BRWD1: variants seen among roughly 807,000 people sequenced by gnomAD.
BRWD1 encodes bromodomain and WD repeat-containing protein 1.
BRWD1 carries 82 observed loss-of-function variants against 251.2 expected under a neutral mutation model. The observed-to-expected ratio is 0.33, with a 90% confidence interval of 0.27 to 0.39. The LOEUF is 0.39. BRWD1 is among the 10% of genes least tolerant of loss of function. BRWD1 has a pLI of 1.00. For missense variants in BRWD1, 2,233 were observed against 2,711.6 expected (o/e 0.82, Z 3.92); for synonymous variants, 918 against 902.8 (o/e 1.02, Z -0.30).
chr21:39,266,938 G>C (rs149969980), intron 15 of BRWD1, among the ~76,000 whole-genome samples: 1 of 152,072 alleles, frequency 6.6e-6, no homozygotes, highest in Admixed American at 6.6e-5. Flanking sequence ...GAGTTTTTCC[G>C]CTTATATTCT....
chr21:39,269,251 ATTTT>A (rs1328933573), intron 15 of BRWD1, among the ~76,000 whole-genome samples: 1 of 148,362 alleles, frequency 6.7e-6, no homozygotes, highest in Non-Finnish European at 1.5e-5. Context: ...AAAAAAAAAA[ATTTT>A]TTTTTTTTAA....
At chr21:39,241,003 C>T (rs574538873) in intron 21 of BRWD1, among the ~76,000 whole-genome samples, 3 of 151,512 alleles carry the variant, frequency 2.0e-5, no homozygotes, top group East Asian at 2.0e-4. Flanking sequence ...TGGGTTCAAA[C>T]GATTCTCCTG....
chr21:39,207,943 A>AT (rs950405270), intron 36 of BRWD1, among the ~76,000 whole-genome samples: 22 of 152,170 alleles, frequency 1.4e-4, no homozygotes, highest in African/African-American at 5.1e-4. Context: ...ATATGAAATT[A>AT]TCTAGGACAG....
chr21:39,320,238 T>C (rs2036734547), intron 1 of BRWD1, among the ~76,000 whole-genome samples: 1 of 152,216 alleles, frequency 6.6e-6, no homozygotes, highest in Non-Finnish European at 1.5e-5. Context: ...TGATAGTAAC[T>C]GCTATTTGTG....
At chr21:39,184,521 G>T (rs1183468692), downstream of BRWD1, 1 of 152,132 alleles carries the variant, frequency 6.6e-6, no homozygotes, top group Non-Finnish European at 1.5e-5. Flanking sequence ...ACATGACATC[G>T]CCTGCATTTT....
rs142708497 is a variant in BRWD1 at position 39,218,265 on chromosome 21, T to C, written c.3546A>G (p.Ala1182=). The part of the protein sequence containing the change: ...GIDQLLNLDI[A]AAFAGPVDLC... ...AATCAACAGGGCCTGCAAAAGCTGCTGCTATATCTGTTAGGGAAGACAGGA... is the reference window on the plus strand; with the variant it reads ...AATCAACAGGGCCTGCAAAAGCTGCCGCTATATCTGTTAGGGAAGACAGGA... Residue 1182 remains alanine, a synonymous_variant, in exon 31 of 41, where the codon GCA becomes GCG. Coordinates refer to ENST00000342449, the MANE Select transcript of BRWD1 (RefSeq NM_033656.4). 3.0e-5 allele frequency: 48 copies of C among 1,606,202 alleles called. No homozygotes were observed. In the African/African-American group the frequency reaches 5.1e-4, roughly 17 times the overall value.
At chr21:39,287,876 A>C (rs1426356258) in intron 8 of BRWD1, among the ~76,000 whole-genome samples, 3 of 152,222 alleles carry the variant, frequency 2.0e-5, no homozygotes, top group Non-Finnish European at 4.4e-5. Flanking sequence ...CCCCTTCAGC[A>C]CAACTTCAGA....
chr21:39,213,341 CA>C, intron 33 of BRWD1, 139 bp downstream of exon 33: 1 of 728,040 alleles, frequency 1.4e-6, no homozygotes. Context: ...CTAGAAAATT[CA>C]AAAATATAAT....
chr21:39,309,553 G>A lies in BRWD1; in HGVS notation c.198+3288C>T, dbSNP rs563425595. ...AAAGACACCCAGGGAGGCCGGGCGC[G>A]GTGGCTCACGCCTGTAATCCCAGCA... is the stretch of plus-strand genomic sequence containing the variant. On this transcript the variant is annotated intron_variant, in intron 4 of 40. Transcript: ENST00000342449. Among the ~76,000 whole-genome samples the A allele has an allele frequency of 2.8e-3, 416 of 150,784 alleles. 2 individuals are homozygous for A. Among genetic ancestry groups the A allele is most frequent in the Middle Eastern group, 0.018 (5 of 278 alleles).
At chr21:39,202,042 TA>T (rs1218149758) in intron 38 of BRWD1, among the ~76,000 whole-genome samples, 1 of 152,016 alleles carries the variant, frequency 6.6e-6, no homozygotes, top group African/African-American at 2.4e-5. Flanking sequence ...TCTTAATTTT[TA>T]AATTAAAAAG....
intron 8 of BRWD1, among the ~76,000 whole-genome samples, chr21:39,288,744 G>GT (rs2035719205): frequency 6.6e-6 from 1 of 152,030 alleles, no homozygotes; most frequent in Non-Finnish European, 1.5e-5. Context: ...CAAGAAAATC[G>GT]TAAGGAAGAG....
intron 19 of BRWD1, among the ~76,000 whole-genome samples, chr21:39,253,166 G>A (rs766457298): frequency 4.6e-5 from 7 of 151,530 alleles, no homozygotes; most frequent in Non-Finnish European, 7.4e-5. Context: ...ACCCATGACT[G>A]TAATCCCAGC....
chr21:39,200,468 A>C, intron 38 of BRWD1, 82 bp from the exon 39 acceptor site: 1 of 1,025,464 alleles, frequency 9.8e-7, no homozygotes, highest in South Asian at 2.1e-5. Context: ...CATTACTCTG[A>C]ACATTACATA....
chr21:39,242,050 T>C (rs1235387266), intron 21 of BRWD1, among the ~76,000 whole-genome samples: 1 of 152,208 alleles, frequency 6.6e-6, no homozygotes, highest in Admixed American at 6.5e-5. Flanking sequence ...AGCTTCTAAG[T>C]ATTCAAAAAT....
At chr21:39,205,999 G>T in intron 37 of BRWD1, 109 bp downstream of exon 37, 1 of 1,103,660 alleles carries the variant, frequency 9.1e-7, no homozygotes, top group Non-Finnish European at 1.3e-6. Context: ...AAAATCACTT[G>T]AACCCGGGAG....
chr21:39,211,959 G>A (rs974474809), intron 34 of BRWD1, among the ~76,000 whole-genome samples: 2 of 151,876 alleles, frequency 1.3e-5, no homozygotes, highest in Non-Finnish European at 1.5e-5. Context: ...AAAGCCTGCC[G>A]ATACTCCATT....
rs1383535373 is a variant in BRWD1 at position 39,196,197 on chromosome 21, A to G, written c.*62T>C. 3.4e-6 allele frequency: 5 copies of G among 1,491,386 alleles called. No homozygotes were observed. The highest frequency in any genetic ancestry group is 4.4e-6 in the Non-Finnish European group (5 of 1,124,700). 92.4% of individuals were successfully genotyped at this position (1,491,386 alleles called of 1,614,324 possible). A position where few individuals can be genotyped will look rare whatever the true frequency, so the allele number is the denominator to read the frequency against. ...TGTAAGACAAAAAAATAATTTTAAC[A>G]GCCAGCTTTCACCATAAATGCCAGT... On this transcript the variant is annotated 3_prime_UTR_variant, in exon 41 of 41. Transcript: ENST00000342449.
upstream of BRWD1, among the ~76,000 whole-genome samples, chr21:39,318,549 G>A (rs2036719953): frequency 6.6e-6 from 1 of 152,194 alleles, no homozygotes; most frequent in Non-Finnish European, 1.5e-5. Flanking sequence ...ACCTAGAGGT[G>A]AAATTAAATG....
chr21:39,189,323 C>T lies in BRWD1; in HGVS notation c.*6936G>A, dbSNP rs1355414530. 1.1e-5 allele frequency: 11 copies of T among 985,016 alleles called. No individual in the cohort carries two copies. Among genetic ancestry groups the T allele is most frequent in the Middle Eastern group, 5.2e-4 (1 of 1,936 alleles). The allele number at this position is 985,016 out of a possible 1,614,324, so 61.0% of individuals were successfully genotyped here. A position where few individuals can be genotyped will look rare whatever the true frequency, so the allele number is the denominator to read the frequency against. On this transcript the variant is annotated 3_prime_UTR_variant, in exon 41 of 41. Transcript: ENST00000342449. ...AATAGATAAAATTCTATTTCAACTA[C>T]AATTTGTAACAAAATGCTTTAAGTT...
Sources: gnomAD v4.1 joint callset for allele counts (sites outside exome capture counted in the v4.1 genomes callset) on GRCh38, gnomAD v4.1.1 for gene constraint, MANE v1.5 for transcripts, NCBI Gene and HGNC (gene_info 2026-07-23, HGNC 2026-07-21) for gene names.